The following LIN54 variants were observed in gnomAD, a reference collection of about 807,000 sequenced individuals.
LIN54 encodes protein lin-54 homolog.
LIN54 carries 9 observed loss-of-function variants against 78.7 expected under a neutral mutation model. The observed-to-expected ratio is 0.11, with a 90% confidence interval of 0.07 to 0.20. The LOEUF (loss-of-function observed/expected upper bound fraction) is 0.20, where lower values mean the gene tolerates loss of function less well. Ranked by LOEUF, LIN54 falls within the 10% of genes least tolerant of loss-of-function variation. The pLI is 1.00. For synonymous variants in LIN54, 269 were observed against 318.4 expected, an observed-to-expected ratio of 0.84 and a Z score of 1.65; for missense variants, 573 against 889.9, an observed-to-expected ratio of 0.64 and a Z score of 4.53.
At chr4:83,004,377 T>G (rs1729123263) in intron 1 of LIN54, among the ~76,000 whole-genome samples, 1 of 122,464 alleles carries the variant, frequency 8.2e-6, no homozygotes, top group East Asian at 2.3e-4. Context: ...CCAGCCTGGG[T>G]GACAGAGTGA....
chr4:82,930,039 A>T (rs1721823124), intron 12 of LIN54, among the ~76,000 whole-genome samples: 1 of 151,960 alleles, frequency 6.6e-6, no homozygotes, highest in South Asian at 2.1e-4. Context: ...CTGGGATTAC[A>T]GGCGCACACC....
chr4:82,936,641 T>A (rs1026449702), intron 9 of LIN54, among the ~76,000 whole-genome samples: 2 of 151,770 alleles, frequency 1.3e-5, no homozygotes, highest in African/African-American at 4.8e-5. Flanking sequence ...ACAAGAGCTG[T>A]CACACATATA....
At position 82,939,881 on chromosome 4, in the gene LIN54, ATACT is replaced by A; in HGVS notation, c.1242+4_1242+7del. ...GAAAGACTGAGAAAGAAGTTATGTG[ATACT>A]TACTTGTTTGACAGCCTGAGCTGAG... On this transcript the variant is annotated splice_donor_5th_base_variant and intron_variant, in intron 6 of 12. Coordinates refer to ENST00000340417, the MANE Select transcript of LIN54 (RefSeq NM_194282.4). 6.2e-7 allele frequency: 1 copy of A among 1,609,336 alleles called. No individual in the cohort carries two copies. The highest frequency in any genetic ancestry group is 8.5e-7 in the Non-Finnish European group (1 of 1,177,058).
At chr4:82,998,732 A>G (rs773280142) in intron 1 of LIN54, among the ~76,000 whole-genome samples, 1 of 152,074 alleles carries the variant, frequency 6.6e-6, no homozygotes, top group Non-Finnish European at 1.5e-5. Context: ...TATATTAAAT[A>G]TTTTTTGGAA....
chr4:82,979,060 A>C (rs772810069), intron 2 of LIN54, 54 bp from the exon 3 acceptor site: 1 of 1,378,988 alleles, frequency 7.3e-7, no homozygotes, highest in South Asian at 1.4e-5. Context: ...ATGCCTATTA[A>C]ATCAAAATTA....
intron 5 of LIN54, among the ~76,000 whole-genome samples, chr4:82,940,846 C>A (rs1722799565): frequency 6.6e-6 from 1 of 152,162 alleles, no homozygotes; most frequent in Non-Finnish European, 1.5e-5. Context: ...TGCCTGTATC[C>A]TCATCTGCAA....
At chr4:82,961,243 A>G (rs1226643893) in intron 4 of LIN54, among the ~76,000 whole-genome samples, 2 of 152,236 alleles carry the variant, frequency 1.3e-5, no homozygotes, top group Non-Finnish European at 2.9e-5. Flanking sequence ...ATAGACATAT[A>G]TGATAATGCA....
chr4:82,943,359 G>A (rs978011128), intron 5 of LIN54, among the ~76,000 whole-genome samples: 4 of 152,102 alleles, frequency 2.6e-5, no homozygotes, highest in Middle Eastern at 6.8e-3. Flanking sequence ...CTGTACCAAC[G>A]ATTAACATGG....
At chr4:82,976,896 T>C (rs1446304877) in intron 3 of LIN54, among the ~76,000 whole-genome samples, 1 of 152,190 alleles carries the variant, frequency 6.6e-6, no homozygotes, top group Non-Finnish European at 1.5e-5. Context: ...AAACTGAACT[T>C]AATGCCAACA....
chr4:82,992,403 C>A (rs1727802075), intron 1 of LIN54, among the ~76,000 whole-genome samples: 2 of 152,178 alleles, frequency 1.3e-5, no homozygotes, highest in Admixed American at 1.3e-4. Flanking sequence ...TTGGACCGGG[C>A]ATGGTGGCTC....
At position 82,925,727 on chromosome 4, in the gene LIN54, T is replaced by C. The variant is rs1271516222; in HGVS notation, c.*2375A>G. On this transcript the variant is annotated 3_prime_UTR_variant, in exon 13 of 13. Coordinates refer to ENST00000340417, the MANE Select transcript of LIN54 (RefSeq NM_194282.4). Reference sequence around the variant, plus strand: ...AAAATGCAAAACCTTTTTTACAGAATAGTATAAATGTTTATTTTCTGTATG... The same window carrying C: ...AAAATGCAAAACCTTTTTTACAGAACAGTATAAATGTTTATTTTCTGTATG... The C allele has an allele frequency of 6.6e-6, 1 of 152,642 alleles. No individual in the cohort carries two copies. Among genetic ancestry groups the C allele is most frequent in the Non-Finnish European group, 1.5e-5 (1 of 68,022 alleles). 9.5% of individuals were successfully genotyped at this position (152,642 alleles called of 1,614,324 possible).
chr4:82,988,318 T>A (rs1007298650), intron 1 of LIN54, among the ~76,000 whole-genome samples: 7 of 152,308 alleles, frequency 4.6e-5, no homozygotes, highest in African/African-American at 1.7e-4. Flanking sequence ...TCAGCATGCT[T>A]TTGAGATTTA....
At chr4:82,988,669 G>C (rs1330404601) in intron 1 of LIN54, among the ~76,000 whole-genome samples, 1 of 152,136 alleles carries the variant, frequency 6.6e-6, no homozygotes, top group Non-Finnish European at 1.5e-5. Context: ...CTCCAGCAAT[G>C]TATGAGAGTT....
At chr4:82,995,975 G>A (rs568948602) in intron 1 of LIN54, among the ~76,000 whole-genome samples, 13 of 151,816 alleles carry the variant, frequency 8.6e-5, no homozygotes, top group African/African-American at 2.9e-4. Context: ...GAGAAACCCC[G>A]TCTCTACTAA....
At chr4:82,982,040 A>C (rs1726711330) in intron 2 of LIN54, among the ~76,000 whole-genome samples, 2 of 152,090 alleles carry the variant, frequency 1.3e-5, no homozygotes, top group Admixed American at 6.6e-5. Flanking sequence ...AAAACAAAAC[A>C]AAACAGAAAA....
chr4:82,945,811 G>A (rs1723309898), intron 5 of LIN54, among the ~76,000 whole-genome samples: 1 of 152,094 alleles, frequency 6.6e-6, no homozygotes, highest in South Asian at 2.1e-4. Context: ...CACCTTTTTA[G>A]TAGCAATTAT....
chr4:83,006,369 G>C (rs1462914268), intron 1 of LIN54, among the ~76,000 whole-genome samples: 1 of 150,218 alleles, frequency 6.7e-6, no homozygotes, highest in Non-Finnish European at 1.5e-5. Flanking sequence ...GAATCGCTTG[G>C]ACCTGGCAGG....
In LIN54 at chr4:82,984,382, C is replaced by T. The variant is rs747230610; in HGVS notation, c.463G>A (p.Ala155Thr). ...TGGGGTAGTTGGCTATGGGGTAGTG[C>T]TAAAACAATTGGTGAACCAGACTTG... ...LGKSGSPIVL[A>T]LPHSQLPQAQ... The change falls in exon 2 of 13, where the codon GCA (alanine) becomes ACA (threonine). Residue 155 changes from alanine to threonine, a missense_variant. Ala to Thr is a moderately conservative substitution (Grantham distance 58, BLOSUM62 0). This residue lies in a region of LIN54 where 183 missense variants were observed against 228.4 expected (regional missense o/e 0.80). Coordinates refer to ENST00000340417, the MANE Select transcript of LIN54 (RefSeq NM_194282.4). 16 of 1,614,162 alleles carry T rather than the reference C, an allele frequency of 9.9e-6. No homozygotes were observed. The highest frequency in any genetic ancestry group is 1.2e-5 in the Non-Finnish European group (14 of 1,180,024).
At chr4:82,928,324 G>C (rs768883385) in intron 12 of LIN54, 21 bp from the exon 13 acceptor site, 2 of 1,578,336 alleles carry the variant, frequency 1.3e-6, no homozygotes, top group South Asian at 1.1e-5. Flanking sequence ...TTTTGAAAGA[G>C]AAAGATGATG....
Sources: gnomAD v4.1 joint callset for allele counts (sites outside exome capture counted in the v4.1 genomes callset) on GRCh38, gnomAD v4.1.1 for gene constraint, gnomAD v4.1.1 regional missense constraint, MANE v1.5 for transcripts, NCBI Gene and HGNC (gene_info 2026-07-23, HGNC 2026-07-21) for gene names.